ARHGAP27: variants seen among roughly 807,000 people sequenced by gnomAD.
ARHGAP27 encodes the protein rho GTPase-activating protein 27.
ARHGAP27 carries 53 observed loss-of-function variants against 102.0 expected under a neutral mutation model. The observed-to-expected ratio is 0.52, with a 90% confidence interval of 0.42 to 0.65. The LOEUF (loss-of-function observed/expected upper bound fraction) is 0.65, where lower values mean the gene tolerates loss of function less well. Ranked by LOEUF, ARHGAP27 falls within the 30% of genes least tolerant of loss-of-function variation. The pLI, the probability that ARHGAP27 is intolerant of heterozygous loss-of-function variation, is 0.00. For synonymous variants in ARHGAP27, 525 were observed against 542.8 expected (o/e 0.97, Z 0.46); for missense variants, 1,117 against 1,256.2 (o/e 0.89, Z 1.68).
chr17:45,403,604 A>G lies in ARHGAP27; in HGVS notation c.1638+15T>C. On this transcript the variant is annotated intron_variant, in intron 11 of 19. Transcript: ENST00000685559. ...AGCAGATGGGATGGTCCCTGCCCTGAGGGCCTGGCCTTACCAGGCCGCCTG... is the reference window on the plus strand; with the variant it reads ...AGCAGATGGGATGGTCCCTGCCCTGGGGGCCTGGCCTTACCAGGCCGCCTG... 6.3e-7 allele frequency: 1 copy of G among 1,597,680 alleles called. No individual in the cohort carries two copies. Among genetic ancestry groups the G allele is most frequent in the Non-Finnish European group, 8.5e-7 (1 of 1,171,118 alleles).
intron 4 of ARHGAP27, among the ~76,000 whole-genome samples, chr17:45,419,514 A>ATG (rs1291595217): frequency 0.22 from 691 of 3,122 alleles, 6 homozygotes; most frequent in Middle Eastern, 0.5. Flanking sequence ...TGCTGTATGT[A>ATG]TATATATATA....
chr17:45,401,432 C>CA (rs1250198813), intron 12 of ARHGAP27: 2 of 152,236 alleles, frequency 1.3e-5, no homozygotes, highest in Non-Finnish European at 2.9e-5. Context: ...ACCAGTTTTC[C>CA]AACTTTGCTT....
At chr17:45,395,923 G>A in intron 18 of ARHGAP27, 60 bp downstream of exon 18, 5 of 1,564,732 alleles carry the variant, frequency 3.2e-6, no homozygotes, top group Non-Finnish European at 3.5e-6. Flanking sequence ...AGGGGAGCCT[G>A]CTAAAGGGGT....
Position 45,430,234 on chromosome 17 carries a change from G to T in ARHGAP27, c.46C>A (p.Pro16Thr). Residue 16 changes from proline (P) to threonine (T), a missense_variant, in exon 4 of 20, where the codon CCC becomes ACC. Transcript: ENST00000685559. The surrounding 1 kb of genome is among the most constrained non-coding windows in gnomAD (Gnocchi z 4.4). ...CCGTCCTTGCCGGTGTACTCGAAGG[G>T]GTGCTCCACCAGCACGTACACGTCC... The part of the protein sequence containing the change: ...VGDVYVLVEH[P>T]FEYTGKDGRR... 1 of 1,575,626 alleles carries T rather than the reference G, an allele frequency of 6.3e-7. No homozygotes were observed.
In ARHGAP27 at chr17:45,396,756, G is replaced by A. The variant is rs746973778; in HGVS notation, c.1986C>T (p.Ser662=). 2.5e-6 allele frequency: 4 copies of A among 1,613,544 alleles called. No individual in the cohort carries two copies. Among genetic ancestry groups the A allele is most frequent in the East Asian group, 2.2e-5 (1 of 44,864 alleles). ...APALGPVGLE[S]DLSKVRHKLR... Reference sequence around the variant, plus strand: ...GCTTGTGCCGGACCTTGCTCAAGTCGCTCTCCAGGCCCACGGGGCCCAGGG... The same window carrying A: ...GCTTGTGCCGGACCTTGCTCAAGTCACTCTCCAGGCCCACGGGGCCCAGGG... Residue 662 remains serine, a synonymous_variant, in exon 15 of 20, where the codon AGC becomes AGT. Transcript: ENST00000685559.
At position 45,430,412 on chromosome 17, in the gene ARHGAP27, C is replaced by T. The variant is rs548844393; in HGVS notation, c.-18-115G>A. 1.4e-6 allele frequency: 2 copies of T among 1,423,518 alleles called. No individual in the cohort carries two copies. Among genetic ancestry groups the T allele is most frequent in the African/African-American group, 1.5e-5 (1 of 67,596 alleles). 88.2% of individuals were successfully genotyped at this position (1,423,518 alleles called of 1,614,324 possible). On this transcript the variant is annotated intron_variant, in intron 3 of 19. Transcript: ENST00000685559. This position sits in a 1 kb window ranked among gnomAD's most constrained non-coding sequence, Gnocchi z 4.4. The stretch of plus-strand genomic sequence containing the variant: ...CGATCCTGCACTCGCCGTTCGCCTT[C>T]GGGCCTCAGTTTTCCCATCTCTAAA...
intron 12 of ARHGAP27, among the ~76,000 whole-genome samples, chr17:45,399,947 C>T (rs906733721): frequency 1.3e-5 from 2 of 152,162 alleles, no homozygotes; most frequent in Non-Finnish European, 2.9e-5. Context: ...TGGGAGGAGT[C>T]CTTGAGACCA....
At chr17:45,421,778 G>A (rs1431813039) in intron 4 of ARHGAP27, among the ~76,000 whole-genome samples, 3 of 152,170 alleles carry the variant, frequency 2.0e-5, no homozygotes, top group Non-Finnish European at 4.4e-5. Context: ...TAAGCCAAAG[G>A]TAATCAAATC....
At chr17:45,405,651 C>T (rs1391288916) in intron 5 of ARHGAP27, 25 bp downstream of exon 5, 1 of 1,558,336 alleles carries the variant, frequency 6.4e-7, no homozygotes, top group Non-Finnish European at 8.6e-7. Flanking sequence ...GAGGTAGAAC[C>T]GCCCACTCTG....
chr17:45,416,209 C>A (rs1489249413), intron 4 of ARHGAP27, among the ~76,000 whole-genome samples: 2 of 151,542 alleles, frequency 1.3e-5, no homozygotes, highest in Non-Finnish European at 2.9e-5. Flanking sequence ...CCAGGCCCAG[C>A]TAATTTTTTT....
rs549028414 is a variant in ARHGAP27 at position 45,404,451 on chromosome 17, C to T, written c.1407G>A (p.Glu469=). 2.5e-6 allele frequency: 4 copies of T among 1,614,072 alleles called. No homozygotes were observed. The East Asian group carries it at 6.7e-5, about 27-fold the overall frequency. Residue 469 remains glutamate (E), a synonymous_variant, in exon 8 of 20, where the codon GAG becomes GAA. Transcript: ENST00000685559. Reference sequence around the variant, plus strand: ...TCAATGGCTCCTCCCCTACCTTCTCCTCTGGAGGGCTGGCCTGGGCTGGGG... The same window carrying T: ...TCAATGGCTCCTCCCCTACCTTCTCTTCTGGAGGGCTGGCCTGGGCTGGGG... ...GDTPAQASPP[E]EKVPAELDEV...
intron 12 of ARHGAP27, among the ~76,000 whole-genome samples, chr17:45,399,709 C>A (rs1195402699): frequency 6.6e-6 from 1 of 152,030 alleles, no homozygotes; most frequent in African/African-American, 2.4e-5. Flanking sequence ...CTAATCAAAG[C>A]AGACAAGAGC....
At chr17:45,401,346 A>G (rs2046414270) in intron 12 of ARHGAP27, among the ~76,000 whole-genome samples, 1 of 152,204 alleles carries the variant, frequency 6.6e-6, no homozygotes, top group African/African-American at 2.4e-5. Flanking sequence ...CTCTAAAAAC[A>G]GAAACAAAAA....
intron 12 of ARHGAP27, among the ~76,000 whole-genome samples, chr17:45,402,194 AAG>A (rs1393459281): frequency 6.6e-6 from 1 of 152,086 alleles, no homozygotes; most frequent in Non-Finnish European, 1.5e-5. Context: ...CCTGGGGAGA[AAG>A]AGGTTTCCCA....
intron 4 of ARHGAP27, among the ~76,000 whole-genome samples, chr17:45,424,469 G>A (rs1305150563): frequency 3.9e-5 from 6 of 152,150 alleles, no homozygotes; most frequent in African/African-American, 1.2e-4. Flanking sequence ...CCCTGGTCAC[G>A]ATCATGGACT....
chr17:45,405,399 C>T (rs934354078), intron 5 of ARHGAP27, among the ~76,000 whole-genome samples: 1 of 151,284 alleles, frequency 6.6e-6, no homozygotes, highest in Non-Finnish European at 1.5e-5. Flanking sequence ...GGTAGCCCCA[C>T]CCATCCTGCC....
At chr17:45,415,522 G>A (rs534682416) in intron 4 of ARHGAP27, among the ~76,000 whole-genome samples, 6 of 152,174 alleles carry the variant, frequency 3.9e-5, no homozygotes, top group Admixed American at 1.3e-4. Flanking sequence ...TGTACATGTC[G>A]AAAACCGTGT....
In ARHGAP27 at chr17:45,429,574, G is replaced by A. The variant is rs200604399; in HGVS notation, c.657+49C>T. 233 of 1,575,382 alleles carry A rather than the reference G, an allele frequency of 1.5e-4. No individual in the cohort carries two copies. Among genetic ancestry groups the A allele is most frequent in the Middle Eastern group, 1.0e-3 (6 of 6,006 alleles). On this transcript the variant is annotated intron_variant, in intron 4 of 19. Transcript: ENST00000685559. ...TTGCGCCCCGGCTCCGTGCGGGCGC[G>A]GTCCCTAGCGCGCCACCCGCCTCCG...
At chr17:45,409,670 G>A (rs983599150) in intron 4 of ARHGAP27, 2 of 155,308 alleles carry the variant, frequency 1.3e-5, no homozygotes, top group South Asian at 1.8e-4. Context: ...ACAGTGCTGA[G>A]ATAGAGATGC....
Sources: gnomAD v4.1 joint callset for allele counts (sites outside exome capture counted in the v4.1 genomes callset) on GRCh38, gnomAD v4.1.1 for gene constraint, Gnocchi (gnomAD v3.1) non-coding constraint, MANE v1.5 for transcripts, NCBI Gene and HGNC (gene_info 2026-07-23, HGNC 2026-07-21) for gene names.